The following PHF21A variants were observed in gnomAD, a reference collection of about 807,000 sequenced individuals.
PHF21A encodes PHD finger protein 21A, also known as BHC80a.
In PHF21A, 11 loss-of-function variants were observed where a neutral mutation model predicts 82.5. The observed-to-expected ratio is 0.13, with a 90% confidence interval of 0.08 to 0.22. The LOEUF is 0.22. PHF21A is among the 10% of genes least tolerant of loss of function. The probability of loss-of-function intolerance (pLI) is 1.00; values close to 1 mark genes in which losing one functional copy is unlikely to be tolerated. For missense variants in PHF21A, 579 were observed against 837.8 expected (o/e 0.69, Z 3.81); for synonymous variants, 297 against 302.8 (o/e 0.98, Z 0.20).
chr11:46,031,183 G>A (rs903048197), intron 6 of PHF21A, among the ~76,000 whole-genome samples: 2 of 152,018 alleles, frequency 1.3e-5, no homozygotes, highest in Non-Finnish European at 2.9e-5. Flanking sequence ...TCCCAATAAT[G>A]CCTAATCTTG....
At chr11:46,080,256 T>C (rs1421574971) in intron 4 of PHF21A, among the ~76,000 whole-genome samples, 4 of 152,036 alleles carry the variant, frequency 2.6e-5, no homozygotes, top group Admixed American at 2.6e-4. Flanking sequence ...CCTCCTGGGC[T>C]TAAGTTATCC....
chr11:46,067,513 C>T (rs1286381453), intron 6 of PHF21A, among the ~76,000 whole-genome samples: 1 of 150,784 alleles, frequency 6.6e-6, no homozygotes, highest in Non-Finnish European at 1.5e-5. Flanking sequence ...TAAAGCTGCT[C>T]TAAATTGGAA....
At chr11:46,028,545 T>C (rs2095798408) in intron 6 of PHF21A, among the ~76,000 whole-genome samples, 1 of 151,328 alleles carries the variant, frequency 6.6e-6, no homozygotes, top group South Asian at 2.1e-4. Context: ...CATGCTAAAA[T>C]ATTACTTTAT....
chr11:46,095,098 A>G (rs1483314257), intron 1 of PHF21A, among the ~76,000 whole-genome samples: 21 of 152,176 alleles, frequency 1.4e-4, no homozygotes, highest in Non-Finnish European at 4.4e-5. Context: ...TTATTTTTAG[A>G]CTAATGATTC....
chr11:46,053,574 C>A (rs2096403722), intron 6 of PHF21A, among the ~76,000 whole-genome samples: 1 of 151,692 alleles, frequency 6.6e-6, no homozygotes, highest in South Asian at 2.1e-4. Context: ...TAAAAAGAAC[C>A]CCATGGCTCA....
chr11:46,064,463 C>T (rs1402412421), intron 6 of PHF21A, among the ~76,000 whole-genome samples: 2 of 152,126 alleles, frequency 1.3e-5, no homozygotes, highest in Non-Finnish European at 2.9e-5. Flanking sequence ...TTAGCCAAAC[C>T]CTGCTGATTC....
intron 1 of PHF21A, among the ~76,000 whole-genome samples, chr11:46,102,858 T>C (rs955192120): frequency 6.6e-6 from 1 of 152,220 alleles, no homozygotes; most frequent in Non-Finnish European, 1.5e-5. Flanking sequence ...GCTCAGTATC[T>C]CCCTGTTTAA....
rs191345477 is a variant in PHF21A, at chr11:46,067,848, C to T, written c.153+8906G>A. Among the ~76,000 whole-genome samples, 4 of 152,260 alleles carry T rather than the reference C, an allele frequency of 2.6e-5. No individual in the cohort carries two copies. The East Asian group carries it at 7.7e-4, about 29-fold the overall frequency. ...ACTTGATGAGTGCAAATAAGTACCA[C>T]AATGAGCGCCAAATAAAGTAGGCAC... On this transcript the variant is annotated intron_variant, in intron 6 of 18. Transcript: ENST00000676320.
intron 6 of PHF21A, among the ~76,000 whole-genome samples, chr11:45,989,923 T>C (rs1477728746): frequency 6.6e-6 from 1 of 151,690 alleles, no homozygotes; most frequent in African/African-American, 2.4e-5. Context: ...GCCCAGGAGG[T>C]TGAGGCTGCA....
chr11:46,109,799 T>G (rs779519473), intron 1 of PHF21A, among the ~76,000 whole-genome samples: 1 of 152,006 alleles, frequency 6.6e-6, no homozygotes, highest in Non-Finnish European at 1.5e-5. Flanking sequence ...CTACCCAACA[T>G]GGTGAAACCG....
chr11:45,991,781 C>T (rs2094711336), intron 6 of PHF21A, among the ~76,000 whole-genome samples: 1 of 152,140 alleles, frequency 6.6e-6, no homozygotes, highest in South Asian at 2.1e-4. Flanking sequence ...TTTTATGAAT[C>T]TCTGAATGGC....
At chr11:46,043,746 T>A (rs1294115857) in intron 6 of PHF21A, among the ~76,000 whole-genome samples, 2 of 152,094 alleles carry the variant, frequency 1.3e-5, no homozygotes, top group Admixed American at 6.6e-5. Context: ...CTGAATGCAA[T>A]GTCTGCATCT....
intron 15 of PHF21A, 81 bp from the exon 16 acceptor site, chr11:45,938,393 T>C: frequency 8.6e-7 from 1 of 1,158,618 alleles, no homozygotes; most frequent in Non-Finnish European, 1.2e-6. Flanking sequence ...TAGATGCATA[T>C]AAATGTTTTA....
At chr11:45,940,301 T>C (rs2090094217) in intron 15 of PHF21A, among the ~76,000 whole-genome samples, 1 of 152,102 alleles carries the variant, frequency 6.6e-6, no homozygotes, top group South Asian at 2.1e-4. Context: ...ATTCAAGCGA[T>C]TCTCCTGCCT....
At chr11:45,971,890 C>CTTTCTTTTCTTTTTTTTTTTTTTTTTT (rs57081937) in intron 7 of PHF21A, among the ~76,000 whole-genome samples, 1 of 50,294 alleles carries the variant, frequency 2.0e-5, no homozygotes, top group Non-Finnish European at 3.9e-5. Flanking sequence ...CTTTTTCTTT[C>CTTTCTTTTCTTTTTTTTTTTTTTTTTT]TTTTTTTTTT....
chr11:46,006,118 G>A (rs951326132), intron 6 of PHF21A, among the ~76,000 whole-genome samples: 6 of 152,062 alleles, frequency 3.9e-5, no homozygotes, highest in African/African-American at 1.2e-4. Flanking sequence ...TTACATTTAC[G>A]ATTAAAGAAC....
In PHF21A at chr11:45,934,058, G is replaced by C. The variant is rs2088137740; in HGVS notation, c.1956C>G (p.Pro652=). ...GCGTGGAGGTGGCGGCATTGGCAGG[G>C]GGGGTGCAGTCCGGGCCATTGGAGA... The part of the protein sequence containing the change: ...GAISNGPDCT[P]PANAATSTPA... The change falls in exon 19 of 19, where the codon CCC becomes CCG. Residue 652 remains proline (P), a synonymous_variant. Transcript: ENST00000676320. 2.5e-6 allele frequency: 4 copies of C among 1,613,998 alleles called. No individual in the cohort carries two copies. Among genetic ancestry groups the C allele is most frequent in the Non-Finnish European group, 1.7e-6 (2 of 1,179,916 alleles).
chr11:46,116,542 A>C (rs2136147917), intron 1 of PHF21A: 1 of 152,344 alleles, frequency 6.6e-6, no homozygotes, highest in Non-Finnish European at 1.5e-5. Context: ...AATTCACAGG[A>C]TCTTCAAAAG....
rs1022083551 is a variant in PHF21A, at chr11:45,933,909, C to T, written c.*59G>A. 2.3e-5 allele frequency: 34 copies of T among 1,452,460 alleles called. No individual in the cohort carries two copies. The Admixed American group carries it at 8.3e-4, about 35-fold the overall frequency. The allele number at this position is 1,452,460 out of a possible 1,614,324, so 90.0% of individuals were successfully genotyped here. ...AAATCCGGCTTTGCTTTTCTAGAGT[C>T]TTCAGTGTTCTGTTCTCCTTGCCGC... On this transcript the variant is annotated 3_prime_UTR_variant, in exon 19 of 19. Coordinates refer to ENST00000676320, the MANE Select transcript of PHF21A (RefSeq NM_001352027.3).
Sources: gnomAD v4.1 joint callset for allele counts (sites outside exome capture counted in the v4.1 genomes callset) on GRCh38, gnomAD v4.1.1 for gene constraint, MANE v1.5 for transcripts, NCBI Gene and HGNC (gene_info 2026-07-23, HGNC 2026-07-21) for gene names.